IQSEC3: variants seen among roughly 807,000 people sequenced by gnomAD.
IQSEC3 encodes IQ motif and SEC7 domain-containing protein 3.
In IQSEC3, 50 loss-of-function variants were observed where a neutral mutation model predicts 105.4. That is an observed-to-expected ratio of 0.47 (90% confidence interval 0.38 to 0.60). The LOEUF (loss-of-function observed/expected upper bound fraction) is 0.60. Among genes scored for constraint, IQSEC3 ranks in the 20% least tolerant of loss-of-function variants. The pLI is 0.00. For synonymous variants in IQSEC3, 708 were observed against 746.0 expected, an observed-to-expected ratio of 0.95 and a Z score of 0.83; for missense variants, 1,415 against 1,630.0, an observed-to-expected ratio of 0.87 and a Z score of 2.27.
At chr12:97,471 T>C (rs1864274993) in intron 1 of IQSEC3, among the ~76,000 whole-genome samples, 1 of 152,224 alleles carries the variant, frequency 6.6e-6, no homozygotes, top group Admixed American at 6.5e-5. Context: ...TTCCTTTTAA[T>C]TTCTCTCATT....
At chr12:146,479 C>CA (rs1386762909) in intron 5 of IQSEC3, among the ~76,000 whole-genome samples, 346 of 152,044 alleles carry the variant, frequency 2.3e-3, no homozygotes, top group African/African-American at 8.0e-3. Flanking sequence ...CTCATCTCTA[C>CA]AAAAAAATTT....
intron 1 of IQSEC3, among the ~76,000 whole-genome samples, chr12:87,607 G>A (rs1251745164): frequency 1.3e-5 from 2 of 152,304 alleles, no homozygotes; most frequent in African/African-American, 2.4e-5. Flanking sequence ...AAGACTGACT[G>A]CAGAAGGAAA....
In IQSEC3 at chr12:169,112, C is replaced by T. The variant is rs1555099513; in HGVS notation, c.3064+7C>T. On this transcript the variant is annotated splice_region_variant and intron_variant, in intron 12 of 13. Transcript: ENST00000538872. The stretch of plus-strand genomic sequence containing the variant: ...AAGCAAGGATCGCCGACAGGTGAGC[C>T]TCGGCTCCGCTCAGGGCACCAGTCC... The T allele has an allele frequency of 6.2e-7, 1 of 1,612,914 alleles. No individual in the cohort carries two copies. Among genetic ancestry groups the T allele is most frequent in the Non-Finnish European group, 8.5e-7 (1 of 1,179,440 alleles).
intron 3 of IQSEC3, among the ~76,000 whole-genome samples, chr12:130,259 C>G (rs1865544406): frequency 6.6e-6 from 1 of 152,232 alleles, no homozygotes. Flanking sequence ...TGAGCACTAG[C>G]TCTGTGTCAG....
chr12:171,042 G>T, intron 12 of IQSEC3, 70 bp from the exon 13 acceptor site: 2 of 1,584,352 alleles, frequency 1.3e-6, no homozygotes, highest in African/African-American at 2.7e-5. Context: ...GATGCTTGAG[G>T]GGCACAGGGG....
intron 1 of IQSEC3, among the ~76,000 whole-genome samples, chr12:76,480 T>C (rs1474628373): frequency 1.3e-5 from 2 of 152,256 alleles, no homozygotes; most frequent in Non-Finnish European, 2.9e-5. Context: ...AAGATCAGCA[T>C]AGCTTTATCT....
chr12:99,049 G>T, intron 1 of IQSEC3, 97 bp from the exon 2 acceptor site: 1 of 1,120,468 alleles, frequency 8.9e-7, no homozygotes, highest in Non-Finnish European at 1.3e-6. Flanking sequence ...GCGGGGGTAG[G>T]AGCAGCAAGA....
chr12:104,830 C>A (rs1305747106), intron 2 of IQSEC3, among the ~76,000 whole-genome samples: 1 of 152,258 alleles, frequency 6.6e-6, no homozygotes, highest in Non-Finnish European at 1.5e-5. Context: ...CTGCCTCTTT[C>A]CATCGGCTGT....
chr12:122,388 C>A (rs1865247840), intron 2 of IQSEC3, among the ~76,000 whole-genome samples: 1 of 152,278 alleles, frequency 6.6e-6, no homozygotes, highest in East Asian at 1.9e-4. Context: ...TAGTTAGAAG[C>A]ATTGTGTGTG....
At chr12:104,173 C>T (rs1387772896) in intron 2 of IQSEC3, among the ~76,000 whole-genome samples, 4 of 152,110 alleles carry the variant, frequency 2.6e-5, no homozygotes, top group African/African-American at 9.7e-5. Context: ...AGATGTTATT[C>T]CCATTTACAG....
chr12:146,090 CA>C (rs1172342231), intron 5 of IQSEC3, among the ~76,000 whole-genome samples: 5 of 152,168 alleles, frequency 3.3e-5, no homozygotes, highest in African/African-American at 9.7e-5. Flanking sequence ...ATATGTTGGC[CA>C]GAGTATAACA....
At chr12:68,330 C>T (rs1210583721) in intron 1 of IQSEC3, among the ~76,000 whole-genome samples, 4 of 152,216 alleles carry the variant, frequency 2.6e-5, no homozygotes, top group Admixed American at 2.0e-4. Context: ...AGATGCCATG[C>T]CTGTTTAAAT....
intron 5 of IQSEC3, chr12:142,225 A>T (rs1406988223): frequency 6.6e-6 from 1 of 152,314 alleles, no homozygotes; most frequent in African/African-American, 2.4e-5. Flanking sequence ...TGGAGCAGCA[A>T]GGGACTGCCA....
chr12:107,165 C>A (rs1310662568), intron 2 of IQSEC3, among the ~76,000 whole-genome samples: 2 of 152,174 alleles, frequency 1.3e-5, no homozygotes, highest in Non-Finnish European at 2.9e-5. Context: ...TAAAGTGGCT[C>A]CCATTGTCTG....
intron 4 of IQSEC3, chr12:140,758 GT>G: frequency 4.6e-6 from 1 of 215,568 alleles, no homozygotes; most frequent in Non-Finnish European, 9.1e-6. Flanking sequence ...TCTCACCTCT[GT>G]TTCTCCCACC....
At position 98,869 on chromosome 12, in the gene IQSEC3, A is replaced by G. The variant is rs143379997; in HGVS notation, c.555-277A>G. On this transcript the variant is annotated intron_variant, in intron 1 of 13. Coordinates refer to ENST00000538872, the MANE Select transcript of IQSEC3 (RefSeq NM_001170738.2). ...GCCTGCTGCGGGGAGGGCGTGCAGA[A>G]GTAGGAAGGGTGAGTTCCCAGGGAG... is the stretch of plus-strand genomic sequence containing the variant. Among the ~76,000 whole-genome samples, 530 of 152,322 alleles carry G rather than the reference A, an allele frequency of 3.5e-3. 1 individual carries two copies. The highest frequency in any genetic ancestry group is 7.3e-3 in the Admixed American group (112 of 15,302).
intron 5 of IQSEC3, chr12:143,673 T>C: frequency 6.1e-6 from 1 of 164,408 alleles, no homozygotes; most frequent in South Asian, 1.2e-4. Flanking sequence ...GGTGCCAGCG[T>C]TCATGCAGGG....
Position 175,081 on chromosome 12 carries a change from G to C in IQSEC3, c.*48G>C. 2.2e-6 allele frequency: 3 copies of C among 1,390,968 alleles called. No homozygotes were observed. The highest frequency in any genetic ancestry group is 4.8e-5 in the Admixed American group (2 of 41,430). The allele number at this position is 1,390,968 out of a possible 1,614,324, so 86.2% of individuals were successfully genotyped here. On this transcript the variant is annotated 3_prime_UTR_variant, in exon 14 of 14. Transcript: ENST00000538872. The stretch of plus-strand genomic sequence containing the variant: ...TCCTGGGAGGGCTGGCCACTGGGGG[G>C]CCTGGGCTGCCCCTCCACTGCTCCC...
chr12:167,666 G>A (rs562026332), intron 11 of IQSEC3: 1 of 151,980 alleles, frequency 6.6e-6, no homozygotes, highest in South Asian at 2.1e-4. Flanking sequence ...GATTGCTTGA[G>A]CCCAGAAGCT....
Sources: allele counts gnomAD v4.1 joint callset (sites outside exome capture counted in the v4.1 genomes callset), GRCh38; gene constraint gnomAD v4.1.1; transcripts MANE v1.5; gene names NCBI Gene and HGNC (gene_info 2026-07-23, HGNC 2026-07-21).